Variants in ZSCAN25 observed in about 807,000 individuals in gnomAD.
The protein encoded by ZSCAN25 is zinc finger and SCAN domain containing 25.
Under a neutral mutation model 38.7 loss-of-function variants are expected in ZSCAN25, and 27 were observed. That is an observed-to-expected ratio of 0.70 (90% CI 0.51 to 0.96). ZSCAN25 has a LOEUF of 0.96. ZSCAN25 is among the 40% of genes least tolerant of loss of function. The pLI, the probability that ZSCAN25 is intolerant of heterozygous loss-of-function variation, is 0.00. For synonymous variants in ZSCAN25, 273 were observed against 277.7 expected, an observed-to-expected ratio of 0.98 and a Z score of 0.17; for missense variants, 637 against 705.9, an observed-to-expected ratio of 0.90 and a Z score of 1.11.
At chr7:99,645,876 C>A in the ZSCAN25 span, among the ~76,000 whole-genome samples, 4 of 151,786 alleles carry the variant, frequency 2.6e-5, no homozygotes, top group Non-Finnish European at 5.9e-5. Context: ...CATTTCTTTT[C>A]CCCAGTCTGT....
chr7:99,729,208 T>G, the ZSCAN25 span, among the ~76,000 whole-genome samples: 1 of 152,150 alleles, frequency 6.6e-6, no homozygotes, highest in African/African-American at 2.4e-5. Flanking sequence ...TTCAATTGGT[T>G]TCTCAATTAA....
the ZSCAN25 span, among the ~76,000 whole-genome samples, chr7:99,711,339 T>C: frequency 1.3e-5 from 2 of 152,244 alleles, no homozygotes; most frequent in Non-Finnish European, 2.9e-5. Context: ...GCAACATTAA[T>C]GGCTAGATGT....
chr7:99,621,665 A>G, intron 5 of ZSCAN25, 91 bp downstream of exon 5: 1 of 1,078,888 alleles, frequency 9.3e-7, no homozygotes, highest in Non-Finnish European at 1.2e-6. Context: ...TGGAGCAACT[A>G]AGTTACCCAC....
At chr7:99,686,580 C>A in the ZSCAN25 span, among the ~76,000 whole-genome samples, 1 of 152,222 alleles carries the variant, frequency 6.6e-6, no homozygotes, top group African/African-American at 2.4e-5. Context: ...CCTCTGGGGG[C>A]AGGGCACAGA....
chr7:99,647,751 C>G, the ZSCAN25 span: 1 of 985,364 alleles, frequency 1.0e-6, no homozygotes, highest in African/African-American at 1.7e-5. Flanking sequence ...GGCCCCACAC[C>G]AACAGTGATT....
At chr7:99,736,109 C>T in the ZSCAN25 span, among the ~76,000 whole-genome samples, 1 of 152,168 alleles carries the variant, frequency 6.6e-6, no homozygotes, top group Non-Finnish European at 1.5e-5. Flanking sequence ...TGTGCTTCTT[C>T]CTCTGTAGCT....
chr7:99,720,658 G>C, the ZSCAN25 span: 1 of 436,106 alleles, frequency 2.3e-6, no homozygotes, highest in Non-Finnish European at 4.2e-6. Flanking sequence ...AGACAAAAGA[G>C]CTCTTCAAAG....
the ZSCAN25 span, among the ~76,000 whole-genome samples, chr7:99,689,391 A>C: frequency 2.0e-4 from 31 of 152,120 alleles, no homozygotes; most frequent in South Asian, 1.9e-3. Context: ...ACAAACACCT[A>C]TATGCAAATA....
the ZSCAN25 span, among the ~76,000 whole-genome samples, chr7:99,678,846 T>C: frequency 6.6e-6 from 1 of 152,184 alleles, no homozygotes; most frequent in Non-Finnish European, 1.5e-5. Context: ...AAAAGTCAAA[T>C]TGAGGTAGAA....
chr7:99,661,444 C>T, the ZSCAN25 span, among the ~76,000 whole-genome samples: 4 of 152,100 alleles, frequency 2.6e-5, no homozygotes, highest in African/African-American at 9.7e-5. Context: ...CAGAGATAGA[C>T]AAAAAGCCAG....
At chr7:99,672,709 T>C in the ZSCAN25 span, 1 of 1,612,532 alleles carries the variant, frequency 6.2e-7, no homozygotes, top group Non-Finnish European at 8.5e-7. Context: ...CTGATTAAAC[T>C]TCACTAGCCC....
In ZSCAN25 at chr7:99,621,543, T is replaced by C. The variant is rs1347467440; in HGVS notation, c.558T>C (p.Pro186=). 5 of 1,522,582 alleles carry C rather than the reference T, an allele frequency of 3.3e-6. No individual in the cohort carries two copies. In the African/African-American group the frequency reaches 6.9e-5, roughly 21 times the overall value. 94.3% of individuals were successfully genotyped at this position (1,522,582 alleles called of 1,614,324 possible). A position where few individuals can be genotyped will look rare whatever the true frequency, so the allele number is the denominator to read the frequency against. ...PGTEEQLSQD[P]GDETRAFQEQ... is the part of the protein sequence containing the mutation. ...CCGAGGAGCAGCTCAGTCAGGACCC[T>C]GGAGATGAGACACGGGCCTTCCAGG... Residue 186 remains proline, a synonymous_variant, in exon 5 of 8, where the codon CCT becomes CCC. Coordinates refer to ENST00000394152, the MANE Select transcript of ZSCAN25 (RefSeq NM_145115.3).
At chr7:99,644,994 G>C in the ZSCAN25 span, among the ~76,000 whole-genome samples, 1 of 152,100 alleles carries the variant, frequency 6.6e-6, no homozygotes, top group Non-Finnish European at 1.5e-5. Flanking sequence ...CCCAGAGCTA[G>C]GTTCACTTCA....
chr7:99,654,140 T>C, the ZSCAN25 span, among the ~76,000 whole-genome samples: 1 of 152,154 alleles, frequency 6.6e-6, no homozygotes, highest in Non-Finnish European at 1.5e-5. Context: ...TGCAGGTTTG[T>C]TACATATGTA....
chr7:99,662,564 T>G, the ZSCAN25 span, among the ~76,000 whole-genome samples: 1 of 152,186 alleles, frequency 6.6e-6, no homozygotes, highest in South Asian at 2.1e-4. This position sits in a 1 kb window ranked among gnomAD's most constrained non-coding sequence, Gnocchi z 4.3. Flanking sequence ...CTCATGTAGG[T>G]GATCCACAAA....
chr7:99,735,305 C>T, the ZSCAN25 span: 3 of 597,792 alleles, frequency 5.0e-6, no homozygotes, highest in Non-Finnish European at 3.0e-6. Flanking sequence ...AGAGGCTTCT[C>T]CACCTCGGCA....
chr7:99,681,654 T>A, the ZSCAN25 span, among the ~76,000 whole-genome samples: 1 of 152,260 alleles, frequency 6.6e-6, no homozygotes, highest in Admixed American at 6.5e-5. Flanking sequence ...TTGATTGGAT[T>A]ATTAGATTTT....
At chr7:99,671,388 G>A in the ZSCAN25 span, 1 of 156,882 alleles carries the variant, frequency 6.4e-6, no homozygotes, top group African/African-American at 2.4e-5. Context: ...ATGATGTTAA[G>A]AGTTACTGTA....
At chr7:99,705,395 T>C in the ZSCAN25 span, 1 of 1,288,890 alleles carries the variant, frequency 7.8e-7, no homozygotes, top group Non-Finnish European at 1.1e-6. Context: ...GCACATTGGA[T>C]GAAGCCCGTC....
Sources: gnomAD v4.1 joint callset for allele counts (sites outside exome capture counted in the v4.1 genomes callset) on GRCh38, gnomAD v4.1.1 for gene constraint, Gnocchi (gnomAD v3.1) non-coding constraint, MANE v1.5 for transcripts, NCBI Gene and HGNC (gene_info 2026-07-23, HGNC 2026-07-21) for gene names.